The following DLG2 variants were observed in gnomAD, a reference collection of about 807,000 sequenced individuals.
The protein encoded by DLG2 is discs large MAGUK scaffold protein 2.
Under a neutral mutation model 132.5 loss-of-function variants are expected in DLG2, and 45 were observed. The observed-to-expected ratio is 0.34, with a 90% CI of 0.27 to 0.44. The LOEUF (loss-of-function observed/expected upper bound fraction) is 0.44. Among genes scored for constraint, DLG2 ranks in the 20% least tolerant of loss-of-function variants. The pLI is 1.00. For missense variants in DLG2, 1,045 were observed against 1,196.9 expected, an observed-to-expected ratio of 0.87 and a Z score of 1.87; for synonymous variants, 424 against 419.6, an observed-to-expected ratio of 1.01 and a Z score of -0.13.
At chr11:84,242,137 AC>A (rs1158243507) in intron 8 of DLG2, among the ~76,000 whole-genome samples, 11 of 152,196 alleles carry the variant, frequency 7.2e-5, no homozygotes, top group African/African-American at 1.7e-4. Flanking sequence ...CAATATTGCT[AC>A]TTTCACATAA....
chr11:85,258,141 T>C (rs2152708709), intron 4 of DLG2, among the ~76,000 whole-genome samples: 1 of 152,316 alleles, frequency 6.6e-6, no homozygotes, highest in African/African-American at 2.4e-5. Context: ...ATGTAATTTG[T>C]GGCCTTATAT....
Position 84,868,531 on chromosome 11 carries a change from T to G in DLG2, c.357+243130A>C, listed in dbSNP as rs2084980832. 2.0e-5 allele frequency among the ~76,000 whole-genome samples: 3 copies of G among 152,252 alleles called. No homozygotes were observed. In the South Asian group the frequency reaches 6.2e-4, roughly 32 times the overall value. ...AACTCCCTGTAGATTTGGGGGAATA[T>G]GGGATGAGAAATGACAACTTTTCCC... On this transcript the variant is annotated intron_variant, in intron 6 of 27. Transcript: ENST00000376104.
At chr11:84,812,663 A>G (rs755943090) in intron 6 of DLG2, among the ~76,000 whole-genome samples, 23 of 152,196 alleles carry the variant, frequency 1.5e-4, no homozygotes, top group Non-Finnish European at 3.1e-4. Flanking sequence ...GCAATATGAA[A>G]TATAAATGTT....
At position 84,502,194 on chromosome 11, in the gene DLG2, C is replaced by T. The variant is rs1291308100; in HGVS notation, c.519+32376G>A. On this transcript the variant is annotated intron_variant, in intron 7 of 27. Coordinates refer to ENST00000376104, the MANE Select transcript of DLG2 (RefSeq NM_001142699.3). ...TCTCTCTTTCTCTCTCTTTCTCTCT[C>T]TCTCTCTCCTTCCTTCCTTCCTTCC... Among the ~76,000 whole-genome samples, 14 of 13,352 alleles carry T rather than the reference C, an allele frequency of 1.0e-3. 1 individual carries two copies. The highest frequency in any genetic ancestry group is 5.8e-3 in the African/African-American group (10 of 1,716). 8.8% of individuals were successfully genotyped at this position (13,352 alleles called of 152,430 possible).
At chr11:85,333,413 A>G (rs1056790998) in intron 3 of DLG2, among the ~76,000 whole-genome samples, 1 of 151,988 alleles carries the variant, frequency 6.6e-6, no homozygotes, top group Admixed American at 6.6e-5. Context: ...TCCTATCTGA[A>G]TGTCTTTTAT....
chr11:84,094,638 G>A (rs972412705), intron 10 of DLG2, among the ~76,000 whole-genome samples: 9 of 152,124 alleles, frequency 5.9e-5, no homozygotes, highest in Admixed American at 5.9e-4. Flanking sequence ...CTCACATAAA[G>A]GAAGGGGCAA....
intron 6 of DLG2, among the ~76,000 whole-genome samples, chr11:85,023,143 C>T (rs755705589): frequency 1.3e-4 from 19 of 151,860 alleles, no homozygotes; most frequent in Non-Finnish European, 2.4e-4. Flanking sequence ...TAATATAAGC[C>T]TATAAGATTC....
chr11:85,572,086 C>T (rs563613987), intron 3 of DLG2, among the ~76,000 whole-genome samples: 5 of 152,204 alleles, frequency 3.3e-5, no homozygotes, highest in Admixed American at 2.6e-4. Context: ...CTCTTCTAAT[C>T]GCTACAAGCT....
At chr11:84,557,572 A>G (rs2099414419) in intron 6 of DLG2, among the ~76,000 whole-genome samples, 1 of 152,072 alleles carries the variant, frequency 6.6e-6, no homozygotes, top group South Asian at 2.1e-4. Flanking sequence ...CATTTCATTG[A>G]GAAATTTATT....
At chr11:85,470,897 G>C (rs1212436868) in intron 3 of DLG2, among the ~76,000 whole-genome samples, 1 of 152,154 alleles carries the variant, frequency 6.6e-6, no homozygotes, top group Non-Finnish European at 1.5e-5. Context: ...CATTTCAAAG[G>C]AGGATAAGAC....
At chr11:84,402,055 T>TC (rs1262689482) in intron 7 of DLG2, among the ~76,000 whole-genome samples, 5 of 152,246 alleles carry the variant, frequency 3.3e-5, no homozygotes, top group African/African-American at 1.2e-4. Flanking sequence ...CCTTGTTTTT[T>TC]CTCAGTTCAT....
chr11:85,337,807 T>A (rs905181803), intron 3 of DLG2, among the ~76,000 whole-genome samples: 20 of 152,246 alleles, frequency 1.3e-4, no homozygotes, highest in African/African-American at 4.8e-4. Flanking sequence ...TACCCCATTG[T>A]TAAGTGAAGC....
intron 7 of DLG2, among the ~76,000 whole-genome samples, chr11:84,372,414 A>G (rs1236933837): frequency 6.6e-6 from 1 of 152,226 alleles, no homozygotes; most frequent in East Asian, 1.9e-4. Context: ...CCATCACACG[A>G]AATTTGTATT....
At chr11:84,066,675 C>T (rs773628637) in intron 10 of DLG2, among the ~76,000 whole-genome samples, 18 of 152,094 alleles carry the variant, frequency 1.2e-4, no homozygotes, top group Middle Eastern at 3.4e-3. Context: ...GCAGGAGAAT[C>T]GCTTGAACCT....
At chr11:84,268,794 A>G (rs1245825825) in intron 7 of DLG2, among the ~76,000 whole-genome samples, 1 of 152,040 alleles carries the variant, frequency 6.6e-6, no homozygotes, top group Non-Finnish European at 1.5e-5. Flanking sequence ...AATGGAGATG[A>G]TAGTACCTAC....
chr11:85,074,080 G>A (rs2066211924), intron 6 of DLG2, among the ~76,000 whole-genome samples: 1 of 151,780 alleles, frequency 6.6e-6, no homozygotes, highest in South Asian at 2.1e-4. Context: ...AACAGACACT[G>A]GAGCCTACTT....
At chr11:83,743,358 A>G (rs957783403) in intron 18 of DLG2, among the ~76,000 whole-genome samples, 1 of 150,508 alleles carries the variant, frequency 6.6e-6, no homozygotes, top group African/African-American at 2.5e-5. Context: ...TCTATGCCCT[A>G]AGCACCCTAC....
At chr11:84,406,267 C>A (rs1371604104) in intron 7 of DLG2, among the ~76,000 whole-genome samples, 1 of 152,092 alleles carries the variant, frequency 6.6e-6, no homozygotes, top group African/African-American at 2.4e-5. Context: ...TGCCTATCTA[C>A]CCAGCAAACT....
chr11:85,059,658 G>A (rs1450905341), intron 6 of DLG2, among the ~76,000 whole-genome samples: 1 of 151,520 alleles, frequency 6.6e-6, no homozygotes, highest in South Asian at 2.1e-4. Flanking sequence ...AGTGAAATAA[G>A]CAAGGGGAAA....
Sources: allele counts gnomAD v4.1 joint callset (sites outside exome capture counted in the v4.1 genomes callset), GRCh38; gene constraint gnomAD v4.1.1; transcripts MANE v1.5; gene names NCBI Gene and HGNC (gene_info 2026-07-23, HGNC 2026-07-21).